TMTC2: variants seen among roughly 807,000 people sequenced by gnomAD.
TMTC2 encodes the protein transmembrane O-mannosyltransferase targeting cadherins 2, also known as protein O-mannosyl-transferase TMTC2.
TMTC2 carries 43 observed loss-of-function variants against 82.4 expected under a neutral mutation model. That is an observed-to-expected ratio of 0.52 (90% CI 0.41 to 0.67). The LOEUF (loss-of-function observed/expected upper bound fraction) is 0.67. TMTC2 is among the 30% of genes least tolerant of loss of function. The pLI is 0.00. For missense variants in TMTC2, 919 were observed against 1,012.4 expected (o/e 0.91, Z 1.25); for synonymous variants, 408 against 381.9 (o/e 1.07, Z -0.80).
chr12:82,862,990 A>G (rs1394638555), intron 2 of TMTC2, among the ~76,000 whole-genome samples: 1 of 152,190 alleles, frequency 6.6e-6, no homozygotes, highest in Admixed American at 6.5e-5. Context: ...GGCTTTCTCT[A>G]TAGAGAAGAG....
intron 4 of TMTC2, among the ~76,000 whole-genome samples, chr12:82,934,296 G>A (rs1876198228): frequency 6.6e-6 from 1 of 152,036 alleles, no homozygotes; most frequent in Admixed American, 6.6e-5. Context: ...TTGTTACATA[G>A]GTATACACAT....
At chr12:82,794,231 T>A (rs1054196204) in intron 1 of TMTC2, among the ~76,000 whole-genome samples, 1 of 152,096 alleles carries the variant, frequency 6.6e-6, no homozygotes, top group Non-Finnish European at 1.5e-5. Flanking sequence ...GGCGCCCTCC[T>A]CTCTCACTCC....
At chr12:82,831,640 T>G (rs1869754776) in intron 1 of TMTC2, among the ~76,000 whole-genome samples, 1 of 152,170 alleles carries the variant, frequency 6.6e-6, no homozygotes, top group Non-Finnish European at 1.5e-5. Context: ...CCTGAAATTG[T>G]CTCTAATACT....
chr12:82,692,317 T>C (rs79156775), intron 1 of TMTC2, among the ~76,000 whole-genome samples: 15,003 of 152,288 alleles, frequency 0.099, 977 homozygotes, highest in East Asian at 0.24. Flanking sequence ...TGTGCCCCTG[T>C]TGTTAATACT....
At chr12:82,862,666 G>C (rs1871608449) in intron 2 of TMTC2, among the ~76,000 whole-genome samples, 1 of 152,170 alleles carries the variant, frequency 6.6e-6, no homozygotes, top group Non-Finnish European at 1.5e-5. Context: ...GAGACATTGA[G>C]ATTTTCCAGT....
intron 1 of TMTC2, among the ~76,000 whole-genome samples, chr12:82,738,225 G>A (rs1875216644): frequency 6.6e-6 from 1 of 152,090 alleles, no homozygotes; most frequent in Non-Finnish European, 1.5e-5. Context: ...ACTATGCCAG[G>A]GCACCAATGT....
At chr12:82,922,729 A>T (rs558982084) in intron 3 of TMTC2, among the ~76,000 whole-genome samples, 1 of 152,278 alleles carries the variant, frequency 6.6e-6, no homozygotes, top group Admixed American at 6.5e-5. Context: ...ATACACAGTG[A>T]TATTTTGGGC....
At chr12:82,940,700 A>C (rs1592643788) in intron 4 of TMTC2, among the ~76,000 whole-genome samples, 1 of 144,200 alleles carries the variant, frequency 6.9e-6, no homozygotes, top group Non-Finnish European at 1.5e-5. Flanking sequence ...ACCTCTTTCC[A>C]CCCCTTATGA....
At chr12:82,836,946 A>C (rs1371511361) in intron 1 of TMTC2, among the ~76,000 whole-genome samples, 1 of 152,138 alleles carries the variant, frequency 6.6e-6, no homozygotes, top group Non-Finnish European at 1.5e-5. Context: ...AAAATATTTT[A>C]CTGCTAGTCT....
chr12:82,946,747 T>TTTC (rs1245827607), intron 4 of TMTC2, among the ~76,000 whole-genome samples: 1 of 143,286 alleles, frequency 7.0e-6, no homozygotes. Flanking sequence ...TTTCTTTTCT[T>TTTC]TTTTTTTTTT....
chr12:82,709,439 T>C (rs1873524755), intron 1 of TMTC2, among the ~76,000 whole-genome samples: 1 of 152,230 alleles, frequency 6.6e-6, no homozygotes, highest in African/African-American at 2.4e-5. Context: ...ATAGTGAATT[T>C]GAAAAATGAC....
chr12:83,046,845 T>C (rs749633252), intron 9 of TMTC2, among the ~76,000 whole-genome samples: 10 of 152,168 alleles, frequency 6.6e-5, no homozygotes, highest in Non-Finnish European at 1.5e-4. Flanking sequence ...GGTGACCATA[T>C]TGGGACAATT....
At chr12:82,740,995 AC>A (rs1875376850) in intron 1 of TMTC2, among the ~76,000 whole-genome samples, 1 of 151,996 alleles carries the variant, frequency 6.6e-6, no homozygotes, top group Non-Finnish European at 1.5e-5. Context: ...TGGCACTCTT[AC>A]CCCAGCGCTC....
chr12:83,012,652 A>G (rs1315206653), intron 8 of TMTC2, among the ~76,000 whole-genome samples: 1 of 152,186 alleles, frequency 6.6e-6, no homozygotes, highest in Non-Finnish European at 1.5e-5. Context: ...TTCACTTGAT[A>G]ACATAGAAGA....
chr12:82,978,463 A>ATGT (rs1565836768), intron 7 of TMTC2, among the ~76,000 whole-genome samples: 2 of 151,768 alleles, frequency 1.3e-5, no homozygotes, highest in East Asian at 3.8e-4. Context: ...ATTTTGGTAT[A>ATGT]TATGTTTAAT....
At chr12:82,832,359 A>G (rs1869797954) in intron 1 of TMTC2, among the ~76,000 whole-genome samples, 1 of 142,872 alleles carries the variant, frequency 7.0e-6, no homozygotes, top group Admixed American at 6.9e-5. Context: ...TTTTTTTTTG[A>G]CGCAAAGTTC....
At chr12:82,865,352 G>T (rs1179752501) in intron 2 of TMTC2, among the ~76,000 whole-genome samples, 1 of 152,124 alleles carries the variant, frequency 6.6e-6, no homozygotes, top group Non-Finnish European at 1.5e-5. Context: ...AATGACAGGG[G>T]TTGCAATCCT....
intron 2 of TMTC2, among the ~76,000 whole-genome samples, chr12:82,858,725 G>C (rs1871383664): frequency 6.6e-6 from 1 of 151,312 alleles, no homozygotes; most frequent in African/African-American, 2.4e-5. Context: ...TTTTCACTTA[G>C]AGTATTAAGG....
chr12:83,089,448 G>A (rs913419801), intron 11 of TMTC2, among the ~76,000 whole-genome samples: 1 of 152,064 alleles, frequency 6.6e-6, no homozygotes. Flanking sequence ...ATGCTACTAT[G>A]GCTATTATTA....
Sources: gnomAD v4.1 joint callset for allele counts (sites outside exome capture counted in the v4.1 genomes callset) on GRCh38, gnomAD v4.1.1 for gene constraint, MANE v1.5 for transcripts, NCBI Gene and HGNC (gene_info 2026-07-23, HGNC 2026-07-21) for gene names.